The following PPARGC1B variants were observed in gnomAD, a reference collection of about 807,000 sequenced individuals.
PPARGC1B encodes the protein PPARG coactivator 1 beta.
A neutral mutation model predicts 101.6 loss-of-function variants in PPARGC1B; 34 were observed. The ratio of observed to expected loss-of-function variants is 0.33; its 90% CI spans 0.25 to 0.45. PPARGC1B has a LOEUF of 0.45. PPARGC1B is among the 20% of genes least tolerant of loss of function. The pLI, the probability that PPARGC1B is intolerant of heterozygous loss-of-function variation, is 1.00. For synonymous variants in PPARGC1B, 548 were observed against 539.3 expected, an observed-to-expected ratio of 1.02 and a Z score of -0.22; for missense variants, 1,234 against 1,317.6, an observed-to-expected ratio of 0.94 and a Z score of 0.98.
At position 149,854,585 on chromosome 5, in the gene PPARGC1B, A is replaced by G. The variant is rs1337685914; in HGVS notation, c.*7027A>G. Reference sequence around the variant, plus strand: ...TTTTTAATTGGTAGAGGATTTTTATATATTTTTTCCATTTTGTTGGGTTGT... The same window carrying G: ...TTTTTAATTGGTAGAGGATTTTTATGTATTTTTTCCATTTTGTTGGGTTGT... On this transcript the variant is annotated 3_prime_UTR_variant, in exon 12 of 12. Coordinates refer to ENST00000309241, the MANE Select transcript of PPARGC1B (RefSeq NM_133263.4). The G allele has an allele frequency of 2.0e-5, 3 of 152,036 alleles. No homozygotes were observed. The highest frequency in any genetic ancestry group is 6.6e-5 in the Admixed American group (1 of 15,264). The allele number at this position is 152,036 out of a possible 1,614,324, so 9.4% of individuals were successfully genotyped here. A position where few individuals can be genotyped will look rare whatever the true frequency, so the allele number is the denominator to read the frequency against.
At chr5:149,735,034 C>CT (rs572685248) in intron 1 of PPARGC1B, among the ~76,000 whole-genome samples, 88 of 152,296 alleles carry the variant, frequency 5.8e-4, no homozygotes, top group Admixed American at 1.3e-3. Context: ...GGGCCAACTT[C>CT]TTTTTCAAAT....
At chr5:149,809,900 A>G (rs577873188) in intron 1 of PPARGC1B, among the ~76,000 whole-genome samples, 1 of 152,084 alleles carries the variant, frequency 6.6e-6, no homozygotes, top group African/African-American at 2.4e-5. Flanking sequence ...AGGGACGTTC[A>G]ACCTGGGATG....
At chr5:149,839,967 C>T in intron 8 of PPARGC1B, 74 bp from the exon 9 acceptor site, 1 of 1,458,528 alleles carries the variant, frequency 6.9e-7, no homozygotes, top group Non-Finnish European at 9.6e-7. Flanking sequence ...CCCTTGCGTC[C>T]TGGAGCAGAT....
At chr5:149,826,502 C>T (rs755399409) in intron 2 of PPARGC1B, among the ~76,000 whole-genome samples, 171 bp from the exon 3 acceptor site, 53 of 152,188 alleles carry the variant, frequency 3.5e-4, no homozygotes, top group Non-Finnish European at 6.8e-4. Context: ...TCTGCTATGC[C>T]AGGAATACTG....
intron 1 of PPARGC1B, among the ~76,000 whole-genome samples, chr5:149,778,743 G>C (rs1189976544): frequency 6.6e-6 from 1 of 152,158 alleles, no homozygotes; most frequent in African/African-American, 2.4e-5. Flanking sequence ...CCAGGCCACA[G>C]GATCTGTCAC....
At chr5:149,824,454 A>G (rs2113369020) in intron 2 of PPARGC1B, among the ~76,000 whole-genome samples, 1 of 152,078 alleles carries the variant, frequency 6.6e-6, no homozygotes, top group Admixed American at 6.5e-5. Context: ...TCTACAAAGC[A>G]CTCTCATTAC....
chr5:149,759,326 C>T (rs898985005), intron 1 of PPARGC1B, among the ~76,000 whole-genome samples: 4 of 152,152 alleles, frequency 2.6e-5, no homozygotes, highest in South Asian at 4.1e-4. Flanking sequence ...ATGTTTTACT[C>T]ATGACCTCAG....
At chr5:149,745,365 T>A (rs1435689911) in intron 1 of PPARGC1B, among the ~76,000 whole-genome samples, 15 of 152,166 alleles carry the variant, frequency 9.9e-5, no homozygotes, top group Admixed American at 9.2e-4. Flanking sequence ...AACTCTGTAG[T>A]TTAAAAAAGT....
chr5:149,757,931 A>G (rs150870758), intron 1 of PPARGC1B, among the ~76,000 whole-genome samples: 14 of 152,348 alleles, frequency 9.2e-5, no homozygotes, highest in African/African-American at 3.4e-4. Context: ...TTGTAGCTCT[A>G]GGAGTTTGAG....
intron 1 of PPARGC1B, chr5:149,817,854 G>A (rs993064003): frequency 1.5e-5 from 7 of 456,318 alleles, no homozygotes; most frequent in African/African-American, 1.4e-4. Flanking sequence ...TGGCCCAACA[G>A]TTTCACTCGT....
At chr5:149,829,524 C>T (rs1758658272) in intron 3 of PPARGC1B, among the ~76,000 whole-genome samples, 3 of 152,072 alleles carry the variant, frequency 2.0e-5, no homozygotes, top group Non-Finnish European at 2.9e-5. Flanking sequence ...GGAAACTCTC[C>T]GTGCTGTACT....
intron 1 of PPARGC1B, among the ~76,000 whole-genome samples, chr5:149,809,115 TTAGATAGATAGATAGATAGATAGA>T (rs10635808): frequency 1.2e-5 from 1 of 84,156 alleles, no homozygotes; most frequent in Admixed American, 1.4e-4. Flanking sequence ...TATCTCCACC[TTAGATAGATAGATAGATAGATAGA>T]TAGATAGATA....
intron 1 of PPARGC1B, among the ~76,000 whole-genome samples, chr5:149,749,973 C>T (rs186262045): frequency 9.9e-5 from 15 of 152,276 alleles, no homozygotes; most frequent in Non-Finnish European, 1.5e-5. Context: ...AGCTAGGAAA[C>T]AGTCTCATCG....
At chr5:149,784,232 C>T (rs1336214535) in intron 1 of PPARGC1B, among the ~76,000 whole-genome samples, 2 of 152,076 alleles carry the variant, frequency 1.3e-5, no homozygotes, top group Non-Finnish European at 2.9e-5. Context: ...TCTTGCCAGT[C>T]CTACCCTTGA....
At chr5:149,788,920 C>T (rs1402193899) in intron 1 of PPARGC1B, among the ~76,000 whole-genome samples, 1 of 151,996 alleles carries the variant, frequency 6.6e-6, no homozygotes, top group Non-Finnish European at 1.5e-5. Flanking sequence ...ACCCTGGGGC[C>T]TGTTGTGGGG....
Position 149,832,858 on chromosome 5 carries a change from C to A in PPARGC1B, c.785C>A (p.Ala262Asp). The change falls in exon 5 of 12, where the codon GCC (alanine) becomes GAC (aspartate). Residue 262 changes from alanine to aspartate, a missense_variant. Physicochemically the swap from Ala to Asp is moderately radical, Grantham distance 126 (BLOSUM62 -2). Around this residue, in one of 3 missense-constraint regions of PPARGC1B, gnomAD observed 734 missense variants for 768.4 expected, o/e 0.96. Coordinates refer to ENST00000309241, the MANE Select transcript of PPARGC1B (RefSeq NM_133263.4). This position sits in a 1 kb window ranked among gnomAD's most constrained non-coding sequence, Gnocchi z 4.9. ...TGCCCGAGCCCCCAGCCAGCTCCAG[C>A]CTCTCCCCGGGACTCCCTAGCTCTG... is the stretch of plus-strand genomic sequence containing the variant. ...EDCPSPQPAP[A>D]SPRDSLALGR... 1 of 1,610,392 alleles carries A rather than the reference C, an allele frequency of 6.2e-7. No homozygotes were observed. Among genetic ancestry groups the A allele is most frequent in the Non-Finnish European group, 8.5e-7 (1 of 1,177,966 alleles).
At chr5:149,817,527 T>C in intron 1 of PPARGC1B, 2 of 341,644 alleles carry the variant, frequency 5.9e-6, no homozygotes, top group South Asian at 4.7e-5. Flanking sequence ...CCTGTTATCT[T>C]CCATCAGTGC....
chr5:149,812,261 T>C (rs1240139871), intron 1 of PPARGC1B, among the ~76,000 whole-genome samples: 3 of 152,222 alleles, frequency 2.0e-5, no homozygotes, highest in Non-Finnish European at 2.9e-5. Context: ...GCCCCTCTCT[T>C]CTGTCTACTT....
At chr5:149,736,574 T>C (rs1245216124) in intron 1 of PPARGC1B, among the ~76,000 whole-genome samples, 2 of 152,176 alleles carry the variant, frequency 1.3e-5, no homozygotes, top group Non-Finnish European at 2.9e-5. Context: ...CCCCTTCTGA[T>C]CTAGGTTTTT....
Sources: gnomAD v4.1 joint callset for allele counts (sites outside exome capture counted in the v4.1 genomes callset) on GRCh38, gnomAD v4.1.1 for gene constraint, gnomAD v4.1.1 regional missense constraint, Gnocchi (gnomAD v3.1) non-coding constraint, MANE v1.5 for transcripts, NCBI Gene and HGNC (gene_info 2026-07-23, HGNC 2026-07-21) for gene names.